SCN9A: variants seen among roughly 807,000 people sequenced by gnomAD.
SCN9A encodes sodium channel protein type 9 subunit alpha.
SCN9A carries 131 observed loss-of-function variants against 187.0 expected under a neutral mutation model. The observed-to-expected ratio is 0.70, with a 90% CI of 0.61 to 0.81. SCN9A has a LOEUF of 0.81. Ranked by LOEUF, SCN9A falls within the 30% of genes least tolerant of loss-of-function variation. SCN9A has a pLI of 0.00. For synonymous variants in SCN9A, 809 were observed against 808.6 expected (o/e 1.00, Z -0.01); for missense variants, 2,252 against 2,396.6 (o/e 0.94, Z 1.26).
rs201265976 is a variant in SCN9A, at chr2:166,198,037, G to A, written c.*635C>T. On this transcript the variant is annotated 3_prime_UTR_variant, in exon 27 of 27. Transcript: ENST00000642356. ...GAGTCAAGATGAATGAAAAACATTT[G>A]TAGAAATGAATAGCCTACATATATT... is the stretch of plus-strand genomic sequence containing the variant. The A allele has an allele frequency of 1.3e-5, 2 of 152,098 alleles. No homozygotes were observed. Among genetic ancestry groups the A allele is most frequent in the Non-Finnish European group, 2.9e-5 (2 of 68,002 alleles). The allele number at this position is 152,098 out of a possible 1,614,324, so 9.4% of individuals were successfully genotyped here.
chr2:166,242,009 T>C (rs528452972), intron 19 of SCN9A, among the ~76,000 whole-genome samples: 2 of 152,280 alleles, frequency 1.3e-5, no homozygotes, highest in East Asian at 3.9e-4. Flanking sequence ...ATTAGTTTTA[T>C]CTATAGCTTC....
At chr2:166,292,019 T>C (rs1698095568) in intron 9 of SCN9A, among the ~76,000 whole-genome samples, 1 of 152,040 alleles carries the variant, frequency 6.6e-6, no homozygotes, top group Admixed American at 6.6e-5. Flanking sequence ...GGGCAAAGAC[T>C]TCATGACAAA....
At chr2:166,346,177 A>G (rs1699896527) in intron 1 of SCN9A, among the ~76,000 whole-genome samples, 1 of 152,128 alleles carries the variant, frequency 6.6e-6, no homozygotes, top group South Asian at 2.1e-4. Flanking sequence ...ATGCCCTACC[A>G]CTATCCCCTT....
Position 166,280,510 on chromosome 2 carries a change from C to A in SCN9A, c.2190G>T (p.Trp730Cys). Reference protein sequence around the residue: ...KFLIWNCSPYWIKFKKCIYFI... With the variant: ...KFLIWNCSPYCIKFKKCIYFI... Reference sequence around the variant, plus strand: ...AATAGATACACTTTTTGAATTTTATCCAATATGGAGAGCAATTCCAGATCA... The same window carrying A: ...AATAGATACACTTTTTGAATTTTATACAATATGGAGAGCAATTCCAGATCA... Residue 730 changes from tryptophan (W) to cysteine (C), a missense_variant, in exon 14 of 27, where the codon TGG becomes TGT. Trp to Cys is a radical substitution (Grantham distance 215). Coordinates refer to ENST00000642356, the MANE Select transcript of SCN9A (RefSeq NM_001365536.1). 1.3e-6 allele frequency: 2 copies of A among 1,589,192 alleles called. No homozygotes were observed. The highest frequency in any genetic ancestry group is 1.7e-6 in the Non-Finnish European group (2 of 1,165,696).
At chr2:166,351,258 T>G (rs1232589396) in intron 1 of SCN9A, among the ~76,000 whole-genome samples, 1 of 152,204 alleles carries the variant, frequency 6.6e-6, no homozygotes, top group Non-Finnish European at 1.5e-5. Context: ...ACATTTTCCT[T>G]ATAAAGTTTA....
chr2:166,283,117 A>G (rs1697567890), intron 12 of SCN9A, among the ~76,000 whole-genome samples: 1 of 151,908 alleles, frequency 6.6e-6, no homozygotes, highest in East Asian at 1.9e-4. Context: ...CTCTTAAATG[A>G]AGAAACTTCA....
chr2:166,227,535 G>C, intron 23 of SCN9A, 135 bp downstream of exon 23: 1 of 656,768 alleles, frequency 1.5e-6, no homozygotes, highest in Admixed American at 2.5e-5. Flanking sequence ...ACAACCACTA[G>C]GCTACTATCA....
At chr2:166,290,303 T>G (rs1697986556) in intron 9 of SCN9A, among the ~76,000 whole-genome samples, 1 of 152,216 alleles carries the variant, frequency 6.6e-6, no homozygotes, top group Non-Finnish European at 1.5e-5. Flanking sequence ...ACATTTTCTT[T>G]ATACAATTTA....
intron 24 of SCN9A, among the ~76,000 whole-genome samples, chr2:166,208,071 T>C (rs1320541550): frequency 1.3e-5 from 2 of 152,210 alleles, no homozygotes; most frequent in African/African-American, 4.8e-5. Flanking sequence ...ATTAATTCAA[T>C]AGAGAAACTT....
At chr2:166,340,578 CTTTCTTTCTTTCTTTCTTTCTT>C (rs1699753093) in intron 1 of SCN9A, among the ~76,000 whole-genome samples, 4 of 69,962 alleles carry the variant, frequency 5.7e-5, no homozygotes. Flanking sequence ...TTCTTTCTTT[CTTTCTTTCTTTCTTTCTTTCTT>C]TCTTTTTCTT....
chr2:166,302,135 A>C (rs1418284182), intron 7 of SCN9A: 1 of 150,926 alleles, frequency 6.6e-6, no homozygotes, highest in Non-Finnish European at 1.5e-5. Flanking sequence ...ATATATTTGA[A>C]AGGTTTCGTG....
chr2:166,342,361 C>T (rs1463923468), intron 1 of SCN9A, among the ~76,000 whole-genome samples: 1 of 152,030 alleles, frequency 6.6e-6, no homozygotes, highest in African/African-American at 2.4e-5. Context: ...CAGTCATGAC[C>T]CCTTCAATGT....
intron 6 of SCN9A, 47 bp from the exon 7 acceptor site, chr2:166,303,349 A>G: frequency 6.8e-7 from 1 of 1,461,660 alleles, no homozygotes; most frequent in Non-Finnish European, 9.4e-7. Flanking sequence ...AAGCCTCTGA[A>G]TCGAAACAAA....
intron 1 of SCN9A, among the ~76,000 whole-genome samples, chr2:166,367,662 T>C (rs557109946): frequency 6.6e-6 from 1 of 152,330 alleles, no homozygotes. Flanking sequence ...CCATTTCAGT[T>C]TTTTAATGTT....
At chr2:166,316,386 G>A (rs1362733281) in intron 1 of SCN9A, among the ~76,000 whole-genome samples, 2 of 152,148 alleles carry the variant, frequency 1.3e-5, no homozygotes, top group South Asian at 2.1e-4. Flanking sequence ...TTGCCTGTCT[G>A]GATGAAAGTA....
intron 24 of SCN9A, among the ~76,000 whole-genome samples, chr2:166,206,211 A>ACGC (rs1346522030): frequency 4.6e-5 from 7 of 152,190 alleles, no homozygotes; most frequent in Non-Finnish European, 7.3e-5. Context: ...AGACACATGC[A>ACGC]TATGTATATT....
chr2:166,284,513 C>T lies in SCN9A; in HGVS notation c.1914G>A (p.Met638Ile), dbSNP rs1680907702. The T allele has an allele frequency of 2.5e-6, 4 of 1,613,992 alleles. No homozygotes were observed. The Admixed American group carries it at 6.7e-5, about 27-fold the overall frequency. The change falls in exon 12 of 27, where the codon ATG becomes ATA. Residue 638 changes from methionine to isoleucine, a missense_variant. Met to Ile is a conservative substitution (Grantham distance 10, BLOSUM62 1). Coordinates refer to ENST00000642356, the MANE Select transcript of SCN9A (RefSeq NM_001365536.1). ...CTGGCAGAAGCTGTCCATTGGGGAG[C>T]ATGAGGGCTGAGCGTCCATCAACCA... is the stretch of plus-strand genomic sequence containing the variant. ...VSLVDGRSALMLPNGQLLPEV... is the reference protein window; with the variant it reads ...VSLVDGRSALILPNGQLLPEV...
rs1205395210 is a variant in SCN9A, at chr2:166,196,761, A to G, written c.*1911T>C. 1 of 152,088 alleles carries G rather than the reference A, an allele frequency of 6.6e-6. No homozygotes were observed. Among genetic ancestry groups the G allele is most frequent in the Non-Finnish European group, 1.5e-5 (1 of 67,980 alleles). 9.4% of individuals were successfully genotyped at this position (152,088 alleles called of 1,614,324 possible). A position where few individuals can be genotyped will look rare whatever the true frequency, so the allele number is the denominator to read the frequency against. ...AATGATCTATGTAGTCTCGGAAAAC[A>G]CTGCATGGTGTCTTTCATATTAAAT... On this transcript the variant is annotated 3_prime_UTR_variant, in exon 27 of 27. Coordinates refer to ENST00000642356, the MANE Select transcript of SCN9A (RefSeq NM_001365536.1).
intron 24 of SCN9A, among the ~76,000 whole-genome samples, chr2:166,215,468 C>A (rs1201544259): frequency 1.3e-5 from 2 of 151,776 alleles, no homozygotes; most frequent in African/African-American, 4.8e-5. Context: ...ATAAACAAAG[C>A]AAATACTAAA....
Sources: allele counts gnomAD v4.1 joint callset (sites outside exome capture counted in the v4.1 genomes callset), GRCh38; gene constraint gnomAD v4.1.1; transcripts MANE v1.5; gene names NCBI Gene and HGNC (gene_info 2026-07-23, HGNC 2026-07-21).